Variants in DNAAF11 observed in about 807,000 individuals in gnomAD.
The protein encoded by DNAAF11 is leucine rich repeat containing 6.
DNAAF11 carries 45 observed loss-of-function variants against 60.8 expected under a neutral mutation model. That is an observed-to-expected ratio of 0.74 (90% confidence interval 0.58 to 0.95). DNAAF11 has a LOEUF of 0.95. Among genes scored for constraint, DNAAF11 ranks in the 40% least tolerant of loss-of-function variants. The pLI, the probability that DNAAF11 is intolerant of heterozygous loss-of-function variation, is 0.00. For synonymous variants in DNAAF11, 191 were observed against 183.5 expected, an observed-to-expected ratio of 1.04 and a Z score of -0.33; for missense variants, 546 against 546.2, an observed-to-expected ratio of 1.00 and a Z score of 0.00.
chr8:132,613,507 G>A (rs1257689940), intron 8 of DNAAF11, among the ~76,000 whole-genome samples: 3 of 152,156 alleles, frequency 2.0e-5, no homozygotes, highest in Admixed American at 2.0e-4. Flanking sequence ...AAACAGATTA[G>A]TGGTTGCCAT....
intron 4 of DNAAF11, among the ~76,000 whole-genome samples, chr8:132,637,204 G>C (rs986321759): frequency 6.6e-6 from 1 of 152,330 alleles, no homozygotes; most frequent in African/African-American, 2.4e-5. Context: ...GATTTTGTTA[G>C]AAATGTGAAA....
Position 132,675,484 on chromosome 8 carries a change from TC to T in DNAAF11, c.9del (p.Trp3Ter). Reference protein sequence around the residue: MGWITEDLIRRNA... With the variant: MGXITEDLIRRNA... ...GGACGGAAGGTGGAGGGGGGCTTAC[TC>T]CAGCCCATGGCGCCTCTCCAGTTCG... On this transcript the variant is annotated frameshift_variant and splice_region_variant, in exon 1 of 12. Coordinates refer to ENST00000620350, the MANE Select transcript of DNAAF11 (RefSeq NM_012472.6). LOFTEE classifies it high-confidence loss of function. 6.4e-7 allele frequency: 1 copy of T among 1,567,672 alleles called. No homozygotes were observed. The highest frequency in any genetic ancestry group is 8.7e-7 in the Non-Finnish European group (1 of 1,153,884).
intron 6 of DNAAF11, among the ~76,000 whole-genome samples, chr8:132,623,691 C>T (rs1012522363): frequency 3.9e-5 from 6 of 152,042 alleles, no homozygotes; most frequent in Admixed American, 3.9e-4. Flanking sequence ...TTCTATTGTA[C>T]TTTTAATACA....
At chr8:132,596,652 C>T (rs1411779975) in intron 10 of DNAAF11, among the ~76,000 whole-genome samples, 1 of 152,222 alleles carries the variant, frequency 6.6e-6, no homozygotes, top group African/African-American at 2.4e-5. Context: ...GCTCCTCCCA[C>T]TCACAGTAGT....
At chr8:132,670,457 C>G (rs958027963) in intron 1 of DNAAF11, among the ~76,000 whole-genome samples, 2 of 152,180 alleles carry the variant, frequency 1.3e-5, no homozygotes, top group Non-Finnish European at 2.9e-5. Context: ...AGCCCTATAT[C>G]TACTGGATAT....
rs867289661 is a variant in DNAAF11 at position 132,622,556 on chromosome 8, C to T, written c.914+55G>A. ...ACCTGGAATTGAAACAATGATTGACCAACACCATTGACTGACACTTTTGGG... is the reference window on the plus strand; with the variant it reads ...ACCTGGAATTGAAACAATGATTGACTAACACCATTGACTGACACTTTTGGG... On this transcript the variant is annotated intron_variant, in intron 7 of 11. Coordinates refer to ENST00000620350, the MANE Select transcript of DNAAF11 (RefSeq NM_012472.6). 5.4e-6 allele frequency: 7 copies of T among 1,290,338 alleles called. No homozygotes were observed. In the Middle Eastern group the frequency reaches 1.1e-3, roughly 205 times the overall value. 79.9% of individuals were successfully genotyped at this position (1,290,338 alleles called of 1,614,324 possible).
intron 3 of DNAAF11, among the ~76,000 whole-genome samples, chr8:132,652,534 C>T (rs1483444678): frequency 1.3e-5 from 2 of 152,050 alleles, no homozygotes; most frequent in African/African-American, 2.4e-5. Context: ...AGGAATGACG[C>T]AATCAGAACA....
At chr8:132,588,405 A>T (rs1021983620) in intron 10 of DNAAF11, among the ~76,000 whole-genome samples, 2 of 152,208 alleles carry the variant, frequency 1.3e-5, no homozygotes, top group African/African-American at 4.8e-5. Context: ...TGGATATTTC[A>T]CTTTCTCCCA....
upstream of DNAAF11, among the ~76,000 whole-genome samples, chr8:132,678,204 C>G (rs1825816267): frequency 6.6e-6 from 1 of 152,302 alleles, no homozygotes; most frequent in East Asian, 1.9e-4. Context: ...TTCCAGTCCC[C>G]CATCCCCTTA....
At chr8:132,674,007 AAGG>A (rs1315688651) in intron 1 of DNAAF11, among the ~76,000 whole-genome samples, 1 of 150,414 alleles carries the variant, frequency 6.6e-6, no homozygotes, top group East Asian at 2.0e-4. Context: ...GAAGAAGGAG[AAGG>A]AGAAGGAGGA....
At position 132,576,313 on chromosome 8, in the gene DNAAF11, A is replaced by C. The variant is rs142634513; in HGVS notation, c.1227-3833T>G. On this transcript the variant is annotated intron_variant, in intron 11 of 11. Coordinates refer to ENST00000620350, the MANE Select transcript of DNAAF11 (RefSeq NM_012472.6). The stretch of plus-strand genomic sequence containing the variant: ...CTGTTCATTCAATAAGTGTTTACTG[A>C]GTACCTACTATGCACCCAGGTTTGT... Among the ~76,000 whole-genome samples the C allele has an allele frequency of 4.9e-3, 743 of 152,300 alleles. 12 individuals carry two copies. The highest frequency in any genetic ancestry group is 0.017 in the African/African-American group (715 of 41,560).
the DNAAF11 span, among the ~76,000 whole-genome samples, chr8:132,702,556 T>C: frequency 8.8e-6 from 1 of 114,120 alleles, no homozygotes; most frequent in Non-Finnish European, 1.7e-5. Flanking sequence ...CTACTACTAC[T>C]GTCACCACTA....
At chr8:132,581,478 T>C (rs1586467375) in intron 11 of DNAAF11, among the ~76,000 whole-genome samples, 1 of 151,650 alleles carries the variant, frequency 6.6e-6, no homozygotes, top group Admixed American at 6.6e-5. Flanking sequence ...TGTGAAACCC[T>C]GTCTCTACTA....
the DNAAF11 span, among the ~76,000 whole-genome samples, chr8:132,683,916 G>A: frequency 6.6e-6 from 1 of 152,252 alleles, no homozygotes; most frequent in Admixed American, 6.5e-5. Flanking sequence ...GTGAGGTCAT[G>A]TAAGTCTTCT....
At chr8:132,687,893 G>A in the DNAAF11 span, among the ~76,000 whole-genome samples, 1 of 152,156 alleles carries the variant, frequency 6.6e-6, no homozygotes, top group Non-Finnish European at 1.5e-5. Flanking sequence ...TAGCTTTCTT[G>A]AGAGTATTTA....
At chr8:132,593,246 T>C (rs72723188) in intron 10 of DNAAF11, among the ~76,000 whole-genome samples, 13,074 of 150,040 alleles carry the variant, frequency 0.087, 725 homozygotes, top group South Asian at 0.15. Context: ...AAACTTCCTA[T>C]TGAGCTCAGT....
intron 10 of DNAAF11, among the ~76,000 whole-genome samples, chr8:132,593,332 C>CATACATACATATATATATAT (rs577618316): frequency 9.2e-6 from 1 of 108,740 alleles, no homozygotes; most frequent in Non-Finnish European, 1.8e-5. Flanking sequence ...TATATACATA[C>CATACATACATATATATATAT]ATATATATAT....
At chr8:132,659,342 T>C (rs1298120795) in intron 2 of DNAAF11, among the ~76,000 whole-genome samples, 1 of 152,190 alleles carries the variant, frequency 6.6e-6, no homozygotes, top group Non-Finnish European at 1.5e-5. Context: ...TAAATGCCTA[T>C]GGGTGGAGTA....
At chr8:132,648,854 TAAAAGAGGACATAAACA>T (rs1003593653) in intron 3 of DNAAF11, among the ~76,000 whole-genome samples, 4 of 151,944 alleles carry the variant, frequency 2.6e-5, no homozygotes, top group Non-Finnish European at 1.5e-5. Context: ...CTCAACGAAA[TAAAAGAGGACATAAACA>T]AATGGAAGAA....
Sources: gnomAD v4.1 joint callset for allele counts (sites outside exome capture counted in the v4.1 genomes callset) on GRCh38, gnomAD v4.1.1 for gene constraint, MANE v1.5 for transcripts, NCBI Gene and HGNC (gene_info 2026-07-23, HGNC 2026-07-21) for gene names.